The following ASIC2 variants were observed in gnomAD, a reference collection of about 807,000 sequenced individuals.
ASIC2 encodes the protein acid sensing ion channel subunit 2.
ASIC2 carries 25 observed loss-of-function variants against 57.3 expected under a neutral mutation model. The ratio of observed to expected loss-of-function variants is 0.44; its 90% CI spans 0.32 to 0.61. The LOEUF is 0.61. Among genes scored for constraint, ASIC2 ranks in the 20% least tolerant of loss-of-function variants. ASIC2 has a pLI of 0.06. For synonymous variants in ASIC2, 319 were observed against 307.5 expected (o/e 1.04, Z -0.39); for missense variants, 641 against 738.1 (o/e 0.87, Z 1.52).
At chr17:33,396,586 G>T (rs1010740121) in intron 1 of ASIC2, among the ~76,000 whole-genome samples, 1 of 152,084 alleles carries the variant, frequency 6.6e-6, no homozygotes, top group Admixed American at 6.6e-5. Flanking sequence ...CATACTCTCT[G>T]GGCTTTACCT....
At chr17:34,010,975 C>CACAG (rs1906699036) in intron 1 of ASIC2, among the ~76,000 whole-genome samples, 6 of 3,204 alleles carry the variant, frequency 1.9e-3, no homozygotes, top group African/African-American at 8.1e-3. Context: ...CATGCACACG[C>CACAG]ACACACACAT....
Position 33,043,905 on chromosome 17 carries a change from A to G in ASIC2, c.988-15513T>C, listed in dbSNP as rs371549879. ...GCGAAGTTGCAGTAGTAGCTGATAT[A>G]GCACTTTGATGAGCAACAAAAATCA... On this transcript the variant is annotated intron_variant, in intron 3 of 9. Transcript: ENST00000225823. Among the ~76,000 whole-genome samples the G allele has an allele frequency of 7.9e-5, 12 of 152,324 alleles. No homozygotes were observed. In the East Asian group the frequency reaches 2.1e-3, roughly 27 times the overall value.
intron 1 of ASIC2, among the ~76,000 whole-genome samples, chr17:33,443,672 T>C (rs1468147420): frequency 6.6e-6 from 1 of 151,848 alleles, no homozygotes; most frequent in Admixed American, 6.6e-5. Flanking sequence ...CGCCTCGGCC[T>C]CCCAAAGTGC....
At chr17:33,068,890 G>T (rs2141947614) in intron 3 of ASIC2, among the ~76,000 whole-genome samples, 1 of 151,880 alleles carries the variant, frequency 6.6e-6, no homozygotes, top group African/African-American at 2.4e-5. Context: ...GGCTCAATTT[G>T]CTCTTCTTTT....
At position 33,021,318 on chromosome 17, in the gene ASIC2, G is replaced by C; in HGVS notation, c.1350-8C>G. On this transcript the variant is annotated splice_polypyrimidine_tract_variant and splice_region_variant and intron_variant, in intron 6 of 9. Transcript: ENST00000225823. The stretch of plus-strand genomic sequence containing the variant: ...AGAACAAGGATGTTCTCTCTGCAGA[G>C]AGAATAGTCAGTACCATACATGGTT... 2 of 1,594,850 alleles carry C rather than the reference G, an allele frequency of 1.3e-6. No individual in the cohort carries two copies. The highest frequency in any genetic ancestry group is 1.7e-6 in the Non-Finnish European group (2 of 1,165,788).
intron 1 of ASIC2, among the ~76,000 whole-genome samples, chr17:34,074,056 A>T (rs1293394712): frequency 1.3e-5 from 2 of 152,186 alleles, no homozygotes; most frequent in Non-Finnish European, 2.9e-5. Flanking sequence ...TTAGACCAAG[A>T]TGAAGTTTCA....
At position 33,159,135 on chromosome 17, in the gene ASIC2, C is replaced by T. The variant is rs192821963; in HGVS notation, c.709-47068G>A. On this transcript the variant is annotated intron_variant, in intron 1 of 9. Transcript: ENST00000225823. ...TTTCTTGCTTTGTAATGATAAATTACCATTAGTTTAGTTTCATCATTACCC... is the reference window on the plus strand; with the variant it reads ...TTTCTTGCTTTGTAATGATAAATTATCATTAGTTTAGTTTCATCATTACCC... Among the ~76,000 whole-genome samples the T allele has an allele frequency of 2.6e-4, 40 of 152,228 alleles. No homozygotes were observed. In the South Asian group the frequency reaches 2.9e-3, roughly 11 times the overall value.
intron 1 of ASIC2, among the ~76,000 whole-genome samples, chr17:33,917,060 C>T (rs546408132): frequency 1.3e-5 from 2 of 152,264 alleles, no homozygotes; most frequent in South Asian, 4.1e-4. Context: ...TTCCATGTCC[C>T]CTCACCTGAT....
chr17:33,017,905 G>C (rs1031439668), intron 7 of ASIC2, among the ~76,000 whole-genome samples: 4 of 152,342 alleles, frequency 2.6e-5, no homozygotes, highest in African/African-American at 7.2e-5. Context: ...TAAGCTGATG[G>C]CTTATTGGAA....
chr17:33,889,872 C>T (rs960227365), intron 1 of ASIC2, among the ~76,000 whole-genome samples: 1 of 152,168 alleles, frequency 6.6e-6, no homozygotes, highest in Non-Finnish European at 1.5e-5. Flanking sequence ...TGGAGCTCAC[C>T]ACCTCATGAG....
At chr17:34,030,998 A>T (rs1329388794) in intron 1 of ASIC2, among the ~76,000 whole-genome samples, 1 of 152,244 alleles carries the variant, frequency 6.6e-6, no homozygotes, top group Non-Finnish European at 1.5e-5. Context: ...CCTCTCTGAC[A>T]GCTTTGAAGA....
chr17:33,395,804 G>A (rs562350812), intron 1 of ASIC2, among the ~76,000 whole-genome samples: 6 of 152,196 alleles, frequency 3.9e-5, no homozygotes, highest in Admixed American at 3.9e-4. Flanking sequence ...GAGATGCCTG[G>A]TAATTTGGAA....
chr17:33,815,942 G>A (rs907610399), intron 1 of ASIC2, among the ~76,000 whole-genome samples: 8 of 152,150 alleles, frequency 5.3e-5, no homozygotes, highest in Admixed American at 3.3e-4. Flanking sequence ...CACAGTCTAC[G>A]GGGGAGGATA....
intron 1 of ASIC2, among the ~76,000 whole-genome samples, chr17:33,438,310 G>C (rs1333628828): frequency 6.6e-6 from 1 of 152,208 alleles, no homozygotes; most frequent in Non-Finnish European, 1.5e-5. Flanking sequence ...ATGGAGGGAA[G>C]TGTGAGCTGT....
At chr17:34,134,820 A>C (rs796672697) in intron 1 of ASIC2, among the ~76,000 whole-genome samples, 21 of 152,334 alleles carry the variant, frequency 1.4e-4, no homozygotes, top group African/African-American at 4.8e-4. Flanking sequence ...GGGAGCTCAC[A>C]GTCAAACTGC....
intron 1 of ASIC2, chr17:33,792,755 G>T (rs1324884005): frequency 6.6e-6 from 1 of 152,216 alleles, no homozygotes; most frequent in African/African-American, 2.4e-5. Context: ...GGGCCGAGTG[G>T]CTGGCATGTA....
Position 33,292,725 on chromosome 17 carries a change from A to T in ASIC2, c.-610T>A, listed in dbSNP as rs1022743052. On this transcript the variant is annotated 5_prime_UTR_variant, in exon 1 of 10. Coordinates refer to ENST00000225823, the MANE Select transcript of ASIC2 (RefSeq NM_183377.2). ...GGCTGGGCGGGCGGGGTGGGTGTGTACGGGGGTGAGTGGTCGCCTTGCCGG... is the reference window on the plus strand; with the variant it reads ...GGCTGGGCGGGCGGGGTGGGTGTGTTCGGGGGTGAGTGGTCGCCTTGCCGG... 3 of 985,618 alleles carry T rather than the reference A, an allele frequency of 3.0e-6. No homozygotes were observed. In the East Asian group the frequency reaches 3.4e-4, roughly 113 times the overall value. The allele number at this position is 985,618 out of a possible 1,614,324, so 61.1% of individuals were successfully genotyped here.
intron 1 of ASIC2, among the ~76,000 whole-genome samples, chr17:33,120,199 G>C (rs115922808): frequency 6.6e-6 from 1 of 152,170 alleles, no homozygotes; most frequent in African/African-American, 2.4e-5. Context: ...ATGCCCTGGG[G>C]CCCATCTGCT....
At position 34,037,705 on chromosome 17, in the gene ASIC2, G is replaced by A. The variant is rs1164711965; in HGVS notation, c.555+118273C>T. 1.3e-5 allele frequency: 21 copies of A among 1,613,946 alleles called. No individual in the cohort carries two copies. The East Asian group carries it at 4.5e-4, about 34-fold the overall frequency. On this transcript the variant is annotated intron_variant, in intron 1 of 9. Transcript: ENST00000359872. ...GGCTACTCGTAGAGACTGACTTTTG[G>A]ATGTGAGGCAACAAGTAGGGATCAC...
Sources: allele counts gnomAD v4.1 joint callset (sites outside exome capture counted in the v4.1 genomes callset), GRCh38; gene constraint gnomAD v4.1.1; transcripts MANE v1.5; gene names NCBI Gene and HGNC (gene_info 2026-07-23, HGNC 2026-07-21).